Variants in GALNT7 observed in about 807,000 individuals in gnomAD.
GALNT7 encodes the protein polypeptide N-acetylgalactosaminyltransferase 7, also known as N-acetylgalactosaminyltransferase 7.
In GALNT7, 60 loss-of-function variants were observed where a neutral mutation model predicts 82.1. That is an observed-to-expected ratio of 0.73 (90% confidence interval 0.59 to 0.91). GALNT7 has a LOEUF of 0.91. GALNT7 is among the 40% of genes least tolerant of loss of function. GALNT7 has a pLI of 0.00. For missense variants in GALNT7, 660 were observed against 804.2 expected, an observed-to-expected ratio of 0.82 and a Z score of 2.17; for synonymous variants, 243 against 275.1, an observed-to-expected ratio of 0.88 and a Z score of 1.15.
chr4:173,216,721 A>AT (rs1561157851), intron 1 of GALNT7, among the ~76,000 whole-genome samples: 3 of 11,302 alleles, frequency 2.7e-4, no homozygotes, highest in African/African-American at 4.8e-4. Context: ...ATATATATAT[A>AT]TATATATTTT....
intron 1 of GALNT7, among the ~76,000 whole-genome samples, chr4:173,199,152 A>G (rs1170964125): frequency 6.6e-6 from 1 of 152,106 alleles, no homozygotes; most frequent in Non-Finnish European, 1.5e-5. Context: ...GCTAGATACT[A>G]TGTGCCACAG....
intron 1 of GALNT7, among the ~76,000 whole-genome samples, chr4:173,173,390 G>C (rs1731939760): frequency 1.3e-5 from 2 of 152,074 alleles, no homozygotes; most frequent in South Asian, 4.1e-4. Context: ...TTTTAGCCCT[G>C]AGTGACTGTC....
chr4:173,283,975 G>T (rs193031754), intron 2 of GALNT7, among the ~76,000 whole-genome samples: 2 of 152,342 alleles, frequency 1.3e-5, no homozygotes, highest in African/African-American at 4.8e-5. Flanking sequence ...TTTGTTCACA[G>T]GAGTATACCT....
At chr4:173,286,993 G>A (rs981194431) in intron 2 of GALNT7, among the ~76,000 whole-genome samples, 1 of 152,194 alleles carries the variant, frequency 6.6e-6, no homozygotes, top group Non-Finnish European at 1.5e-5. Flanking sequence ...TTGGTTGGGG[G>A]ACAGAGGAGA....
At chr4:173,291,158 C>A (rs1015010812) in intron 2 of GALNT7, among the ~76,000 whole-genome samples, 1 of 152,160 alleles carries the variant, frequency 6.6e-6, no homozygotes, top group Non-Finnish European at 1.5e-5. Flanking sequence ...TGCTGTCTTT[C>A]TCACCCAGTT....
intron 1 of GALNT7, among the ~76,000 whole-genome samples, chr4:173,174,425 G>A (rs1014504523): frequency 1.3e-5 from 2 of 152,160 alleles, no homozygotes; most frequent in African/African-American, 4.8e-5. Flanking sequence ...TTTATGGAAG[G>A]CACATATTAA....
chr4:173,301,004 G>A (rs1337948009), intron 6 of GALNT7, among the ~76,000 whole-genome samples: 1 of 151,952 alleles, frequency 6.6e-6, no homozygotes, highest in Non-Finnish European at 1.5e-5. Flanking sequence ...ATGTGTTGGT[G>A]TGCGCTTGTA....
At chr4:173,321,251 G>A (rs1737804199) in intron 11 of GALNT7, among the ~76,000 whole-genome samples, 1 of 152,118 alleles carries the variant, frequency 6.6e-6, no homozygotes, top group Non-Finnish European at 1.5e-5. Context: ...ATTTCCTAAG[G>A]ACTAGAGAGC....
At chr4:173,242,346 GC>G (rs527701883) in intron 1 of GALNT7, among the ~76,000 whole-genome samples, 5 of 152,286 alleles carry the variant, frequency 3.3e-5, no homozygotes, top group African/African-American at 1.2e-4. Context: ...TTACCTGAAA[GC>G]ATGCTTCATC....
chr4:173,290,134 G>A (rs2127896), intron 2 of GALNT7, among the ~76,000 whole-genome samples: 100,541 of 151,912 alleles, frequency 0.66, 33,662 homozygotes, highest in East Asian at 0.79. Flanking sequence ...ATTTTGTAGG[G>A]AAGATTTCTA....
intron 1 of GALNT7, among the ~76,000 whole-genome samples, chr4:173,182,723 G>T (rs1195410257): frequency 1.8e-5 from 2 of 113,814 alleles, no homozygotes; most frequent in Admixed American, 9.9e-5. Flanking sequence ...GATGAGGCTA[G>T]CAGGTTACTC....
rs765815084 is a variant in GALNT7 at position 173,208,025 on chromosome 4, G to GT, written c.126+39070dup. ...GTAAATTGCCTGTTTGTTTTTTCCTGTTTTTTACCATTGATGTGTTTATGT... is the reference window on the plus strand; with the variant it reads ...GTAAATTGCCTGTTTGTTTTTTCCTGTTTTTTTACCATTGATGTGTTTATGT... On this transcript the variant is annotated intron_variant, in intron 1 of 11. Coordinates refer to ENST00000265000, the MANE Select transcript of GALNT7 (RefSeq NM_017423.3). 3.3e-5 allele frequency among the ~76,000 whole-genome samples: 5 copies of GT among 152,050 alleles called. No individual in the cohort carries two copies. In the South Asian group the frequency reaches 6.2e-4, roughly 19 times the overall value.
At position 173,196,010 on chromosome 4, in the gene GALNT7, ATACT is replaced by A. The variant is rs1270545423; in HGVS notation, c.126+27054_126+27057del. Among the ~76,000 whole-genome samples the A allele has an allele frequency of 1.4e-4, 22 of 152,368 alleles. No individual in the cohort carries two copies. The East Asian group carries it at 4.0e-3, about 28-fold the overall frequency. The stretch of plus-strand genomic sequence containing the variant: ...TTACTTGCTTTCAGATGTGGAAGAG[ATACT>A]TACTCGCAAATTCCTAATTAATAGG... On this transcript the variant is annotated intron_variant, in intron 1 of 11. Transcript: ENST00000265000.
At chr4:173,293,513 A>G (rs1736612168) in intron 3 of GALNT7, among the ~76,000 whole-genome samples, 4 of 151,948 alleles carry the variant, frequency 2.6e-5, no homozygotes, top group Admixed American at 2.0e-4. Flanking sequence ...TTTCCCTAAT[A>G]TATTCAGAAA....
At chr4:173,280,612 C>T (rs1400430251) in intron 2 of GALNT7, among the ~76,000 whole-genome samples, 3 of 152,152 alleles carry the variant, frequency 2.0e-5, no homozygotes, top group African/African-American at 4.8e-5. Flanking sequence ...TGTAGCTGAA[C>T]CAGTACTGTC....
At chr4:173,200,877 G>A (rs1445695585) in intron 1 of GALNT7, among the ~76,000 whole-genome samples, 3 of 152,162 alleles carry the variant, frequency 2.0e-5, no homozygotes, top group Non-Finnish European at 4.4e-5. Flanking sequence ...TTTCTCAAAT[G>A]CCAGTTTTGA....
rs537547961 is a variant in GALNT7 at position 173,290,238 on chromosome 4, GACTATGGAACAGCCAT to G, written c.588-1844_588-1829del. Among the ~76,000 whole-genome samples, 192 of 152,186 alleles carry G rather than the reference GACTATGGAACAGCCAT, an allele frequency of 1.3e-3. 2 individuals carry two copies. The highest frequency in any genetic ancestry group is 0.011 in the East Asian group (56 of 5,178). On this transcript the variant is annotated intron_variant, in intron 2 of 11. Transcript: ENST00000265000. ...CCATCAATAAGGAAGTAATTCAGTA[GACTATGGAACAGCCAT>G]ACTATGGAACAGCCATACTATGGAA...
Position 173,319,025 on chromosome 4 carries a change from G to A in GALNT7, c.1836+466G>A, listed in dbSNP as rs529582368. On this transcript the variant is annotated intron_variant, in intron 11 of 11. Coordinates refer to ENST00000265000, the MANE Select transcript of GALNT7 (RefSeq NM_017423.3). ...AACTTGAAATCTAGGCTTTCATAACGTCTTTATCATTGTTGTGTGCTAAAT... is the reference window on the plus strand; with the variant it reads ...AACTTGAAATCTAGGCTTTCATAACATCTTTATCATTGTTGTGTGCTAAAT... Among the ~76,000 whole-genome samples, 15 of 152,088 alleles carry A rather than the reference G, an allele frequency of 9.9e-5. No homozygotes were observed. In the South Asian group the frequency reaches 2.7e-3, roughly 27 times the overall value.
chr4:173,288,058 C>T (rs927075841), intron 2 of GALNT7, among the ~76,000 whole-genome samples: 41 of 151,678 alleles, frequency 2.7e-4, no homozygotes, highest in African/African-American at 8.7e-4. Context: ...CCGAGGCGGG[C>T]GGATCACGAG....
Sources: gnomAD v4.1 joint callset for allele counts (sites outside exome capture counted in the v4.1 genomes callset) on GRCh38, gnomAD v4.1.1 for gene constraint, MANE v1.5 for transcripts, NCBI Gene and HGNC (gene_info 2026-07-23, HGNC 2026-07-21) for gene names.